The following MLLT6 variants were observed in gnomAD, a reference collection of about 807,000 sequenced individuals.
MLLT6 encodes the protein protein AF-17.
In MLLT6, 22 loss-of-function variants were observed where a neutral mutation model predicts 103.0. The ratio of observed to expected loss-of-function variants is 0.21; its 90% CI spans 0.15 to 0.31. The LOEUF (loss-of-function observed/expected upper bound fraction) is 0.31, where lower values mean the gene tolerates loss of function less well. MLLT6 is among the 10% of genes least tolerant of loss of function. MLLT6 has a pLI of 1.00. For missense variants in MLLT6, 1,199 were observed against 1,441.7 expected (o/e 0.83, Z 2.73); for synonymous variants, 606 against 623.5 (o/e 0.97, Z 0.42).
Position 38,719,577 on chromosome 17 carries a change from C to T in MLLT6, c.2003C>T (p.Ser668Phe), listed in dbSNP as rs1454498438. 7 of 1,607,902 alleles carry T rather than the reference C, an allele frequency of 4.4e-6. No individual in the cohort carries two copies. The highest frequency in any genetic ancestry group is 1.3e-5 in the African/African-American group (1 of 75,002). ...GGGACCTCCCCTCAGGAGAGTCTGTCTTCCATGTGAGGGAAGGGGCAGCCT... is the reference window on the plus strand; with the variant it reads ...GGGACCTCCCCTCAGGAGAGTCTGTTTTCCATGTGAGGGAAGGGGCAGCCT... The part of the protein sequence containing the change: ...CRGTSPQESL[S>F]SMSPISSLPA... The change falls in exon 13 of 20, where the codon TCT becomes TTT. Residue 668 changes from serine to phenylalanine, a missense_variant. This residue lies in a region of MLLT6 where 1,034 missense variants were observed against 1,091.5 expected (regional missense o/e 0.95). Transcript: ENST00000621332.
chr17:38,720,698 C>T lies in MLLT6; in HGVS notation c.2393C>T (p.Pro798Leu), dbSNP rs759347929. 6 of 1,613,874 alleles carry T rather than the reference C, an allele frequency of 3.7e-6. No individual in the cohort carries two copies. The highest frequency in any genetic ancestry group is 4.5e-5 in the East Asian group (2 of 44,880). ...TCCTTGAGCACCAGCAAGAGCCCTC[C>T]GGGAAAGAGCAGCCTCGGCCTGGAC... Reference protein sequence around the residue: ...SDSLSTSKSPPGKSSLGLDNS... With the variant: ...SDSLSTSKSPLGKSSLGLDNS... Residue 798 changes from proline (P) to leucine (L), a missense_variant, in exon 16 of 20, where the codon CCG (proline) becomes CTG (leucine). Coordinates refer to ENST00000621332, the MANE Select transcript of MLLT6 (RefSeq NM_005937.4).
At position 38,719,792 on chromosome 17, in the gene MLLT6, C is replaced by T. The variant is rs1208186634; in HGVS notation, c.2052C>T (p.Ala684=). The change falls in exon 14 of 20, where the codon GCC becomes GCT. Residue 684 remains alanine, a synonymous_variant. Coordinates refer to ENST00000621332, the MANE Select transcript of MLLT6 (RefSeq NM_005937.4). The part of the protein sequence containing the change: ...SSLPALFDQT[A]SAPCGGGQLD... Reference sequence around the variant, plus strand: ...TCCCCGCACTCTTCGACCAGACAGCCTCTGCACCCTGTGGGGGCGGCCAGT... The same window carrying T: ...TCCCCGCACTCTTCGACCAGACAGCTTCTGCACCCTGTGGGGGCGGCCAGT... 2 of 1,613,514 alleles carry T rather than the reference C, an allele frequency of 1.2e-6. No homozygotes were observed. The highest frequency in any genetic ancestry group is 2.2e-5 in the East Asian group (1 of 44,880).
rs1904955368 is a variant in MLLT6, at chr17:38,706,968, A to G, written c.128A>G (p.Gln43Arg). Reference sequence around the variant, plus strand: ...CCCTCAGCTTGCTATGGCATCGTTCAGGTGCCAACGGGACCCTGGTTCTGC... The same window carrying G: ...CCCTCAGCTTGCTATGGCATCGTTCGGGTGCCAACGGGACCCTGGTTCTGC... ...AVHQACYGIV[Q>R]VPTGPWFCRK... is the part of the protein sequence containing the mutation. Residue 43 changes from glutamine to arginine, a missense_variant, in exon 2 of 20, where the codon CAG becomes CGG. By Grantham distance (43) the Gln-to-Arg change is conservative (BLOSUM62 1). Around this residue, in one of 7 missense-constraint regions of MLLT6, gnomAD observed 26 missense variants for 44.5 expected, o/e 0.58. Transcript: ENST00000621332. The G allele has an allele frequency of 1.9e-6, 3 of 1,611,766 alleles. No homozygotes were observed. Among genetic ancestry groups the G allele is most frequent in the Non-Finnish European group, 1.7e-6 (2 of 1,178,132 alleles).
chr17:38,709,445 G>T lies in MLLT6; in HGVS notation c.459-37G>T. 1 of 1,573,916 alleles carries T rather than the reference G, an allele frequency of 6.4e-7. No individual in the cohort carries two copies. ...GAGAGGAAGGTGGCTCATGTGATCT[G>T]TGGCCTCAGCCGTCTCAGGCTGCCT... On this transcript the variant is annotated intron_variant, in intron 5 of 19. Transcript: ENST00000621332. The surrounding 1 kb of genome is among the most constrained non-coding windows in gnomAD (Gnocchi z 4.3).
Position 38,722,717 on chromosome 17 carries a change from GCAGCAGCTCCAGCAACTC to G in MLLT6, c.2843_2860del (p.Gln948_Leu953del), listed in dbSNP as rs747599367. ...AGAGACATCTCCTTCAGCAGCAAGA[GCAGCAGCTCCAGCAACTC>G]CAGCAGCTCCTGGCCTCCCCGCAGC... On this transcript the variant is annotated inframe_deletion, in exon 18 of 20. Coordinates refer to ENST00000621332, the MANE Select transcript of MLLT6 (RefSeq NM_005937.4). 6.2e-7 allele frequency: 1 copy of G among 1,601,222 alleles called. No homozygotes were observed. The highest frequency in any genetic ancestry group is 1.7e-5 in the Admixed American group (1 of 57,534).
rs1327584546 is a variant in MLLT6, at chr17:38,705,460, G to A, written c.-173G>A. On this transcript the variant is annotated 5_prime_UTR_variant, in exon 1 of 20. Coordinates refer to ENST00000621332, the MANE Select transcript of MLLT6 (RefSeq NM_005937.4). ...AGACAGAGCGAGCGAGGAGGAGGAG[G>A]AGGAGGACGCGGAGGAGGAGGAAGG... is the stretch of plus-strand genomic sequence containing the variant. The A allele has an allele frequency of 2.2e-6, 1 of 452,028 alleles. No individual in the cohort carries two copies. The highest frequency in any genetic ancestry group is 3.8e-5 in the East Asian group (1 of 26,040). The allele number at this position is 452,028 out of a possible 1,614,324, so 28.0% of individuals were successfully genotyped here.
At position 38,727,099 on chromosome 17, in the gene MLLT6, C is replaced by G. The variant is rs1019974297; in HGVS notation, c.*1501C>G. On this transcript the variant is annotated 3_prime_UTR_variant, in exon 20 of 20. Coordinates refer to ENST00000621332, the MANE Select transcript of MLLT6 (RefSeq NM_005937.4). ...AGTCTCTTTGCATGTGTGGATTTTT[C>G]TGTGTGTGTTTCTGTTTGGGTTTTT... is the stretch of plus-strand genomic sequence containing the variant. 3.1e-5 allele frequency: 7 copies of G among 227,488 alleles called. No homozygotes were observed. Among genetic ancestry groups the G allele is most frequent in the East Asian group, 6.1e-5 (1 of 16,338 alleles). 14.1% of individuals were successfully genotyped at this position (227,488 alleles called of 1,614,324 possible).
chr17:38,711,070 C>T (rs925549034), intron 6 of MLLT6, among the ~76,000 whole-genome samples: 5 of 152,180 alleles, frequency 3.3e-5, no homozygotes, highest in African/African-American at 1.2e-4. Context: ...CAGGTAGGAG[C>T]TGTGTCCAAC....
rs565226037 is a variant in MLLT6 at position 38,719,828 on chromosome 17, G to A, written c.2088G>A (p.Ala696=). 5.6e-6 allele frequency: 9 copies of A among 1,612,796 alleles called. No individual in the cohort carries two copies. The highest frequency in any genetic ancestry group is 1.7e-4 in the Middle Eastern group (1 of 6,052). The change falls in exon 14 of 20, where the codon GCG becomes GCA. Residue 696 remains alanine (A), a synonymous_variant. Coordinates refer to ENST00000621332, the MANE Select transcript of MLLT6 (RefSeq NM_005937.4). ...GTGGGGGCGGCCAGTTAGACCCGGC[G>A]GCCCCAGGGACGACTAACATGGAGC... ...APCGGGQLDP[A]APGTTNMEQL...
At chr17:38,722,546 T>C (rs868310461) in intron 17 of MLLT6, 132 bp from the exon 18 acceptor site, 4 of 656,794 alleles carry the variant, frequency 6.1e-6, no homozygotes, top group Non-Finnish European at 8.3e-6. Flanking sequence ...TGCTCTAAGA[T>C]CGCACATCCC....
intron 16 of MLLT6, among the ~76,000 whole-genome samples, chr17:38,721,611 G>T (rs1451465641): frequency 6.6e-6 from 1 of 152,174 alleles, no homozygotes; most frequent in Admixed American, 6.5e-5. Flanking sequence ...CCCAGGATCT[G>T]GTTCACCAGA....
At chr17:38,719,389 G>T in intron 12 of MLLT6, 128 bp from the exon 13 acceptor site, 1 of 872,676 alleles carries the variant, frequency 1.1e-6, no homozygotes. Context: ...TGAACTGCCA[G>T]TGTGGGGTTG....
Position 38,705,551 on chromosome 17 carries a change from C to A in MLLT6, c.-82C>A. On this transcript the variant is annotated 5_prime_UTR_variant, in exon 1 of 20. Coordinates refer to ENST00000621332, the MANE Select transcript of MLLT6 (RefSeq NM_005937.4). ...AGGAGGGGGCGAGGAGGCGCGCGGC[C>A]CCCCGCTCCCTCCCTCCCCCCTGAC... is the stretch of plus-strand genomic sequence containing the variant. The A allele has an allele frequency of 1.8e-6, 1 of 546,202 alleles. No individual in the cohort carries two copies. Among genetic ancestry groups the A allele is most frequent in the Non-Finnish European group, 3.1e-6 (1 of 320,708 alleles). 33.8% of individuals were successfully genotyped at this position (546,202 alleles called of 1,614,324 possible).
intron 19 of MLLT6, 146 bp downstream of exon 19, chr17:38,725,122 C>G (rs1313529461): frequency 3.2e-6 from 2 of 619,126 alleles, no homozygotes; most frequent in African/African-American, 3.7e-5. Flanking sequence ...ACCCCAGGGC[C>G]TCTGCTTGCA....
At position 38,728,968 on chromosome 17, in the gene MLLT6, G is replaced by A. The variant is rs1164492531; in HGVS notation, c.*3370G>A. ...GCTCCTGGGTCTGCTGCTGCCTCAA[G>A]GTGTCCTGACCTTGAGGCTGATGAG... is the stretch of plus-strand genomic sequence containing the variant. On this transcript the variant is annotated 3_prime_UTR_variant, in exon 20 of 20. Coordinates refer to ENST00000621332, the MANE Select transcript of MLLT6 (RefSeq NM_005937.4). The A allele has an allele frequency of 4.3e-6, 1 of 233,730 alleles. No homozygotes were observed. Among genetic ancestry groups the A allele is most frequent in the East Asian group, 6.0e-5 (1 of 16,600 alleles). The allele number at this position is 233,730 out of a possible 1,614,324, so 14.5% of individuals were successfully genotyped here.
chr17:38,712,413 T>G (rs914624917), intron 7 of MLLT6, among the ~76,000 whole-genome samples: 1 of 152,208 alleles, frequency 6.6e-6, no homozygotes, highest in Non-Finnish European at 1.5e-5. Context: ...TGGACACCCT[T>G]GCAGGTGTTA....
intron 7 of MLLT6, 159 bp downstream of exon 7, chr17:38,712,173 TG>T (rs951661949): frequency 6.7e-5 from 62 of 928,596 alleles, no homozygotes; most frequent in Admixed American, 3.1e-4. Flanking sequence ...AATGAAACGG[TG>T]GGGGGGTGAG....
At position 38,711,950 on chromosome 17, in the gene MLLT6, G is replaced by A. The variant is rs376062210; in HGVS notation, c.656G>A (p.Arg219Gln). The A allele has an allele frequency of 6.2e-6, 10 of 1,609,272 alleles. No homozygotes were observed. The highest frequency in any genetic ancestry group is 8.5e-6 in the Non-Finnish European group (10 of 1,177,428). ...GSGFISGRRS[R>Q]SASPSTQQEK... Reference sequence around the variant, plus strand: ...GGTTTCATCTCTGGGAGGAGAAGCCGGTCAGCCTCACCATCCACGCAGCAG... The same window carrying A: ...GGTTTCATCTCTGGGAGGAGAAGCCAGTCAGCCTCACCATCCACGCAGCAG... The change falls in exon 7 of 20, where the codon CGG becomes CAG. Residue 219 changes from arginine to glutamine, a missense_variant. By Grantham distance (43) the Arg-to-Gln change is conservative. Coordinates refer to ENST00000621332, the MANE Select transcript of MLLT6 (RefSeq NM_005937.4).
At chr17:38,719,305 G>A in intron 12 of MLLT6, 1 of 580,550 alleles carries the variant, frequency 1.7e-6, no homozygotes, top group Non-Finnish European at 3.1e-6. Flanking sequence ...CAGCCCAGAG[G>A]AGGAAGAGAG....
Sources: allele counts gnomAD v4.1 joint callset (sites outside exome capture counted in the v4.1 genomes callset), GRCh38; gene constraint gnomAD v4.1.1; regional missense constraint gnomAD v4.1.1; non-coding constraint Gnocchi (gnomAD v3.1); transcripts MANE v1.5; gene names NCBI Gene and HGNC (gene_info 2026-07-23, HGNC 2026-07-21).